The following FBRSL1 variants were observed in gnomAD, a reference collection of about 807,000 sequenced individuals.
FBRSL1 encodes the protein fibrosin like 1.
FBRSL1 carries 51 observed loss-of-function variants against 89.6 expected under a neutral mutation model. The observed-to-expected ratio is 0.57, with a 90% CI of 0.45 to 0.72. The LOEUF (loss-of-function observed/expected upper bound fraction) is 0.72, where lower values mean the gene tolerates loss of function less well. Ranked by LOEUF, FBRSL1 falls within the 30% of genes least tolerant of loss-of-function variation. The pLI, the probability that FBRSL1 is intolerant of heterozygous loss-of-function variation, is 0.00. For synonymous variants in FBRSL1, 779 were observed against 681.1 expected (o/e 1.14, Z -2.24); for missense variants, 1,618 against 1,451.8 (o/e 1.11, Z -1.86).
At chr12:132,507,142 A>G in intron 1 of FBRSL1, 2 of 967,294 alleles carry the variant, frequency 2.1e-6, no homozygotes, top group Non-Finnish European at 2.5e-6. Context: ...CCTCGGGGAC[A>G]CTGTGGCCCT....
intron 14 of FBRSL1, among the ~76,000 whole-genome samples, chr12:132,574,804 G>A (rs774454742): frequency 2.0e-5 from 3 of 152,144 alleles, no homozygotes; most frequent in African/African-American, 7.2e-5. Context: ...AAGGTGTGCC[G>A]GCTGGGCCAC....
intron 1 of FBRSL1, among the ~76,000 whole-genome samples, chr12:132,501,700 G>A (rs1466906247): frequency 1.3e-5 from 2 of 152,188 alleles, no homozygotes; most frequent in African/African-American, 4.8e-5. Context: ...GAGGGGAGGG[G>A]CCAGGACAGG....
chr12:132,495,701 C>A (rs1421440538), intron 1 of FBRSL1, among the ~76,000 whole-genome samples: 2 of 152,228 alleles, frequency 1.3e-5, no homozygotes, highest in Admixed American at 1.3e-4. Context: ...CCCACAGAGT[C>A]CCACAGCTGT....
At chr12:132,506,866 G>A (rs1320548382) in intron 1 of FBRSL1, among the ~76,000 whole-genome samples, 2 of 152,384 alleles carry the variant, frequency 1.3e-5, no homozygotes, top group African/African-American at 4.8e-5. Context: ...GGGGAGGCAA[G>A]GAGTCTTCCT....
chr12:132,574,788 C>T (rs768516756), intron 14 of FBRSL1, among the ~76,000 whole-genome samples: 3 of 152,104 alleles, frequency 2.0e-5, no homozygotes, highest in Non-Finnish European at 4.4e-5. Flanking sequence ...AGGCCCTCTC[C>T]TCGGCAAGGT....
Position 132,510,090 on chromosome 12 carries a change from C to A in FBRSL1, c.489+1740C>A, listed in dbSNP as rs112276506. On this transcript the variant is annotated intron_variant, in intron 2 of 18. Coordinates refer to ENST00000680143, the MANE Select transcript of FBRSL1 (RefSeq NM_001367871.1). ...CCCGGGACGGCCGAGGCAGCAGAAGCAGCCGCTCATGGGCCCGGAGCAGCC... is the reference window on the plus strand; with the variant it reads ...CCCGGGACGGCCGAGGCAGCAGAAGAAGCCGCTCATGGGCCCGGAGCAGCC... 4.9e-6 allele frequency: 6 copies of A among 1,230,246 alleles called. No homozygotes were observed. The South Asian group carries it at 2.1e-4, about 42-fold the overall frequency. The allele number at this position is 1,230,246 out of a possible 1,614,324, so 76.2% of individuals were successfully genotyped here.
chr12:132,501,498 T>C (rs1022468537), intron 1 of FBRSL1, among the ~76,000 whole-genome samples: 1 of 152,094 alleles, frequency 6.6e-6, no homozygotes, highest in African/African-American at 2.4e-5. Context: ...GAGACCAGTG[T>C]GGGCTGACAA....
At chr12:132,576,733 G>A in intron 14 of FBRSL1, 66 bp from the exon 15 acceptor site, 1 of 1,507,354 alleles carries the variant, frequency 6.6e-7, no homozygotes, top group South Asian at 1.3e-5. Context: ...GGCCCCTCAG[G>A]CCTGGGCTCC....
intron 1 of FBRSL1, among the ~76,000 whole-genome samples, chr12:132,492,311 C>A (rs1396651752): frequency 6.6e-6 from 1 of 152,222 alleles, no homozygotes; most frequent in African/African-American, 2.4e-5. Flanking sequence ...AACGTCACCT[C>A]AGACTCCTCT....
chr12:132,511,884 C>G, intron 2 of FBRSL1: 3 of 985,364 alleles, frequency 3.0e-6, no homozygotes, highest in Non-Finnish European at 3.6e-6. Flanking sequence ...GGCCTCCATC[C>G]CAGAAGCGCA....
At chr12:132,529,631 C>T (rs1481366903) in intron 4 of FBRSL1, among the ~76,000 whole-genome samples, 1 of 149,752 alleles carries the variant, frequency 6.7e-6, no homozygotes. Flanking sequence ...TTCTCTGCCA[C>T]CCTAAGCTCT....
At position 132,583,697 on chromosome 12, in the gene FBRSL1, T is replaced by A; in HGVS notation, c.2928T>A (p.Thr976=). ...PTPPGPPRSR[T]TPLGGLGPGE... ...CCCCCGGGCCGCCGCGGAGCCGGAC[T>A]ACTCCGCTGGGGGGCCTCGGGCCGG... Residue 976 remains threonine, a synonymous_variant, in exon 19 of 19, where the codon ACT becomes ACA. Transcript: ENST00000680143. The A allele has an allele frequency of 8.4e-7, 1 of 1,185,124 alleles. No individual in the cohort carries two copies. Among genetic ancestry groups the A allele is most frequent in the Non-Finnish European group, 1.0e-6 (1 of 958,054 alleles). 73.4% of individuals were successfully genotyped at this position (1,185,124 alleles called of 1,614,324 possible). A position where few individuals can be genotyped will look rare whatever the true frequency, so the allele number is the denominator to read the frequency against.
chr12:132,514,148 G>A lies in FBRSL1; in HGVS notation c.489+5798G>A, dbSNP rs146754057. The stretch of plus-strand genomic sequence containing the variant: ...TCTCGCGTCAGGGCTCGGCTCCTCC[G>A]TGTGTGGGGAGACAGGCTGGGATAG... On this transcript the variant is annotated intron_variant, in intron 2 of 18. Coordinates refer to ENST00000680143, the MANE Select transcript of FBRSL1 (RefSeq NM_001367871.1). 2.7e-3 allele frequency among the ~76,000 whole-genome samples: 405 copies of A among 152,328 alleles called. 1 individual carries two copies. Among genetic ancestry groups the A allele is most frequent in the African/African-American group, 9.4e-3 (391 of 41,570 alleles).
At chr12:132,573,155 C>G (rs1283241367) in intron 11 of FBRSL1, among the ~76,000 whole-genome samples, 1 of 152,312 alleles carries the variant, frequency 6.6e-6, no homozygotes. Context: ...TGTGCTGTAA[C>G]CCCACCCTCT....
Position 132,570,464 on chromosome 12 carries a change from G to A in FBRSL1, c.1137G>A (p.Met379Ile), listed in dbSNP as rs759831228. 2 of 1,533,252 alleles carry A rather than the reference G, an allele frequency of 1.3e-6. No homozygotes were observed. Among genetic ancestry groups the A allele is most frequent in the South Asian group, 2.4e-5 (2 of 83,506 alleles). The allele number at this position is 1,533,252 out of a possible 1,614,324, so 95.0% of individuals were successfully genotyped here. The change falls in exon 8 of 19, where the codon ATG (methionine) becomes ATA (isoleucine). Residue 379 changes from methionine to isoleucine, a missense_variant. Coordinates refer to ENST00000680143, the MANE Select transcript of FBRSL1 (RefSeq NM_001367871.1). ...SQAQHQLHAA[M>I]FAAPPTLPPP... is the part of the protein sequence containing the mutation. ...CGCAGCACCAGCTCCACGCGGCCAT[G>A]TTTGCCGCACCCCCGACACTGCCCC... is the stretch of plus-strand genomic sequence containing the variant.
Position 132,576,217 on chromosome 12 carries a change from G to C in FBRSL1, c.1702-582G>C, listed in dbSNP as rs572368395. On this transcript the variant is annotated intron_variant, in intron 14 of 18. Coordinates refer to ENST00000680143, the MANE Select transcript of FBRSL1 (RefSeq NM_001367871.1). ...GTTTCTTTTTTTTTTTCTTGAGATA[G>C]AGTCTCGCTCTGTCACCCAGGCTAG... is the stretch of plus-strand genomic sequence containing the variant. 1.1e-3 allele frequency among the ~76,000 whole-genome samples: 139 copies of C among 126,562 alleles called. 5 individuals carry two copies. The highest frequency in any genetic ancestry group is 4.3e-3 in the African/African-American group (135 of 31,306). The allele number at this position is 126,562 out of a possible 152,430, so 83.0% of individuals were successfully genotyped here.
intron 6 of FBRSL1, among the ~76,000 whole-genome samples, chr12:132,568,138 C>T (rs1374128769): frequency 6.6e-6 from 1 of 152,202 alleles, no homozygotes; most frequent in Non-Finnish European, 1.5e-5. Context: ...GGGGATAGCC[C>T]CAGCGTCTTC....
At chr12:132,523,840 G>A (rs988881431) in intron 2 of FBRSL1, among the ~76,000 whole-genome samples, 5 of 152,190 alleles carry the variant, frequency 3.3e-5, no homozygotes, top group Non-Finnish European at 7.4e-5. Context: ...GTTGAGAACC[G>A]CTAGGAGTGG....
chr12:132,560,790 G>C (rs2039058296), intron 5 of FBRSL1, among the ~76,000 whole-genome samples: 1 of 152,224 alleles, frequency 6.6e-6, no homozygotes, highest in Non-Finnish European at 1.5e-5. Context: ...CCTCCCACCT[G>C]TACCCTGGGC....
Sources: gnomAD v4.1 joint callset for allele counts (sites outside exome capture counted in the v4.1 genomes callset) on GRCh38, gnomAD v4.1.1 for gene constraint, MANE v1.5 for transcripts, NCBI Gene and HGNC (gene_info 2026-07-23, HGNC 2026-07-21) for gene names.